The following CAMTA1 variants were observed in gnomAD, a reference collection of about 807,000 sequenced individuals.
CAMTA1 encodes calmodulin-binding transcription activator 1.
In CAMTA1, 27 loss-of-function variants were observed where a neutral mutation model predicts 170.9. The observed-to-expected ratio is 0.16, with a 90% confidence interval of 0.12 to 0.22. The LOEUF is 0.22. Among genes scored for constraint, CAMTA1 ranks in the 10% least tolerant of loss-of-function variants. The pLI, the probability that CAMTA1 is intolerant of heterozygous loss-of-function variation, is 1.00. For synonymous variants in CAMTA1, 833 were observed against 891.5 expected (o/e 0.93, Z 1.17); for missense variants, 1,619 against 2,217.2 (o/e 0.73, Z 5.42).
At chr1:7,521,781 T>C (rs2094368571) in intron 6 of CAMTA1, among the ~76,000 whole-genome samples, 1 of 152,212 alleles carries the variant, frequency 6.6e-6, no homozygotes, top group African/African-American at 2.4e-5. Context: ...ACTCCTGACC[T>C]CATGATCCGC....
intron 4 of CAMTA1, among the ~76,000 whole-genome samples, chr1:7,148,434 G>GTA (rs1558168531): frequency 8.1e-5 from 12 of 147,492 alleles, no homozygotes; most frequent in Admixed American, 3.4e-4. Flanking sequence ...CTCCCCCCCC[G>GTA]CCACGCTCCC....
intron 5 of CAMTA1, among the ~76,000 whole-genome samples, chr1:7,383,243 A>G (rs940031299): frequency 1.3e-5 from 2 of 151,856 alleles, no homozygotes; most frequent in African/African-American, 4.9e-5. Flanking sequence ...CAGGACGGAC[A>G]TTGTTGCCAA....
chr1:7,507,363 C>G (rs1235786046), intron 6 of CAMTA1, among the ~76,000 whole-genome samples: 1 of 152,196 alleles, frequency 6.6e-6, no homozygotes, highest in Non-Finnish European at 1.5e-5. Context: ...GGAGCCGTCT[C>G]TGCACAGGTG....
chr1:7,326,150 C>T (rs938001163), intron 5 of CAMTA1, among the ~76,000 whole-genome samples: 8 of 152,208 alleles, frequency 5.3e-5, no homozygotes, highest in Non-Finnish European at 1.0e-4. Flanking sequence ...TGAGCCACTG[C>T]ACCTGGCCGA....
intron 4 of CAMTA1, among the ~76,000 whole-genome samples, chr1:7,193,087 A>T (rs1302376687): frequency 6.6e-6 from 1 of 152,160 alleles, no homozygotes; most frequent in East Asian, 1.9e-4. Flanking sequence ...ACAGTGGCTC[A>T]CACCTGTAAT....
chr1:7,744,463 G>A lies in CAMTA1; in HGVS notation c.4183-372G>A, dbSNP rs549081388. ...GGGGTTCTCTAGGCCAGACAAAAGG[G>A]GGTGGTTAGATATTGGTTATGTAAC... On this transcript the variant is annotated intron_variant, in intron 16 of 22. Coordinates refer to ENST00000303635, the MANE Select transcript of CAMTA1 (RefSeq NM_015215.4). 2.0e-5 allele frequency among the ~76,000 whole-genome samples: 3 copies of A among 152,256 alleles called. No individual in the cohort carries two copies. In the South Asian group the frequency reaches 6.2e-4, roughly 32 times the overall value.
Position 7,031,792 on chromosome 1 carries a change from T to C in CAMTA1, c.235-59512T>C, listed in dbSNP as rs1401054840. Among the ~76,000 whole-genome samples the C allele has an allele frequency of 3.3e-5, 5 of 151,660 alleles. No individual in the cohort carries two copies. The South Asian group carries it at 8.3e-4, about 25-fold the overall frequency. ...TCCTGACCTTGTGATCTGCCCACCT[T>C]GGCCTCCTGAAGTGCTGGGATTATA... On this transcript the variant is annotated intron_variant, in intron 3 of 22. Coordinates refer to ENST00000303635, the MANE Select transcript of CAMTA1 (RefSeq NM_015215.4).
At chr1:7,696,002 T>TAAA (rs2096371764) in intron 11 of CAMTA1, among the ~76,000 whole-genome samples, 1 of 152,148 alleles carries the variant, frequency 6.6e-6, no homozygotes, top group South Asian at 2.1e-4. Context: ...AGGGAGTAGC[T>TAAA]AGTTGCTTCC....
At chr1:7,683,490 G>T (rs1326793210) in intron 11 of CAMTA1, among the ~76,000 whole-genome samples, 1 of 152,086 alleles carries the variant, frequency 6.6e-6, no homozygotes, top group African/African-American at 2.4e-5. Flanking sequence ...CTTTAGGGGA[G>T]CTGGAGAAGC....
chr1:7,201,852 T>TA (rs35874770), intron 4 of CAMTA1, among the ~76,000 whole-genome samples: 100,915 of 151,920 alleles, frequency 0.66, 34,422 homozygotes, highest in African/African-American at 0.82. Flanking sequence ...TTCAATTTTT[T>TA]TGGTGTCCTT....
At chr1:7,225,065 A>G (rs925910069) in intron 4 of CAMTA1, among the ~76,000 whole-genome samples, 18 of 151,564 alleles carry the variant, frequency 1.2e-4, no homozygotes, top group Non-Finnish European at 7.4e-5. Context: ...AGCCTGGGGC[A>G]AATTCTTACT....
chr1:7,257,562 C>G (rs1667601340), intron 5 of CAMTA1, among the ~76,000 whole-genome samples: 1 of 103,558 alleles, frequency 9.7e-6, no homozygotes, highest in South Asian at 3.2e-4. Context: ...ACGGCACACC[C>G]ACTCTGGCAG....
At chr1:7,653,482 C>T (rs2095860372) in intron 7 of CAMTA1, among the ~76,000 whole-genome samples, 1 of 152,144 alleles carries the variant, frequency 6.6e-6, no homozygotes, top group Admixed American at 6.5e-5. Context: ...AGGCTGGTCT[C>T]AAACTCCTGG....
At chr1:7,259,435 A>ATT (rs1011587850) in intron 5 of CAMTA1, among the ~76,000 whole-genome samples, 19 of 152,040 alleles carry the variant, frequency 1.2e-4, no homozygotes, top group African/African-American at 4.6e-4. Context: ...GAAGTGCAGA[A>ATT]TTTCAGGCCC....
intron 5 of CAMTA1, among the ~76,000 whole-genome samples, chr1:7,425,083 G>A (rs1447918038): frequency 1.3e-5 from 2 of 152,096 alleles, no homozygotes; most frequent in East Asian, 3.9e-4. Context: ...TCTGAGAATT[G>A]GACCAAAGCT....
rs191384660 is a variant in CAMTA1, at chr1:6,856,824, G to A, written c.234+31614G>A. Among the ~76,000 whole-genome samples, 297 of 152,222 alleles carry A rather than the reference G, an allele frequency of 2.0e-3. 1 individual carries two copies. The highest frequency in any genetic ancestry group is 6.9e-3 in the African/African-American group (286 of 41,530). On this transcript the variant is annotated intron_variant, in intron 3 of 22. Transcript: ENST00000303635. ...GGAGGAGGTTAGCTTGGTGAGATGAGTGATCAGAGAAGAATGATCTAGATG... is the reference window on the plus strand; with the variant it reads ...GGAGGAGGTTAGCTTGGTGAGATGAATGATCAGAGAAGAATGATCTAGATG...
chr1:7,166,992 G>C (rs1340220115), intron 4 of CAMTA1, among the ~76,000 whole-genome samples: 2 of 151,816 alleles, frequency 1.3e-5, no homozygotes, highest in East Asian at 3.9e-4. Context: ...TGTATTTTTA[G>C]TAGAGATGGG....
intron 3 of CAMTA1, among the ~76,000 whole-genome samples, chr1:6,932,798 G>A (rs11120788): frequency 0.31 from 46,375 of 152,034 alleles, 7,339 homozygotes; most frequent in Non-Finnish European, 0.34. Context: ...CTTCTTTAGT[G>A]AAGTGTCTAT....
At chr1:7,538,566 C>T (rs1302140286) in intron 6 of CAMTA1, among the ~76,000 whole-genome samples, 1 of 152,188 alleles carries the variant, frequency 6.6e-6, no homozygotes, top group Non-Finnish European at 1.5e-5. Flanking sequence ...CAGGAAAATT[C>T]TTGGGCTCAG....
Sources: gnomAD v4.1 joint callset for allele counts (sites outside exome capture counted in the v4.1 genomes callset) on GRCh38, gnomAD v4.1.1 for gene constraint, MANE v1.5 for transcripts, NCBI Gene and HGNC (gene_info 2026-07-23, HGNC 2026-07-21) for gene names.